AKT1: variants seen among roughly 807,000 people sequenced by gnomAD.
The protein encoded by AKT1 is RAC-alpha serine/threonine-protein kinase.
AKT1 carries 21 observed loss-of-function variants against 63.1 expected under a neutral mutation model. The ratio of observed to expected loss-of-function variants is 0.33; its 90% CI spans 0.24 to 0.48. AKT1 has a LOEUF of 0.48. Among genes scored for constraint, AKT1 ranks in the 20% least tolerant of loss-of-function variants. The pLI, the probability that AKT1 is intolerant of heterozygous loss-of-function variation, is 0.99. For missense variants in AKT1, 382 were observed against 666.0 expected, an observed-to-expected ratio of 0.57 and a Z score of 4.69; for synonymous variants, 257 against 253.1, an observed-to-expected ratio of 1.02 and a Z score of -0.15.
In AKT1 at chr14:104,769,534, G is replaced by T; in HGVS notation, c.*807C>A. The T allele has an allele frequency of 1.9e-6, 1 of 533,754 alleles. No homozygotes were observed. The highest frequency in any genetic ancestry group is 2.2e-5 in the Admixed American group (1 of 44,874). 33.1% of individuals were successfully genotyped at this position (533,754 alleles called of 1,614,324 possible). ...CACAGGGAGTCAGGGAGGGCCTGGG[G>T]CGACAGCGGAAAGGTTAAGCGTCGA... On this transcript the variant is annotated 3_prime_UTR_variant, in exon 15 of 15. Transcript: ENST00000649815.
rs1451952869 is a variant in AKT1 at position 104,776,776 on chromosome 14, G to A, written c.176-6C>T. On this transcript the variant is annotated splice_region_variant and splice_polypyrimidine_tract_variant and intron_variant, in intron 4 of 14. Transcript: ENST00000649815. Reference sequence around the variant, plus strand: ...CGTCTTCATCAGCTGGCACTCTGCGGGCAGGCAGAGCCTCTGTCTGCGTGC... The same window carrying A: ...CGTCTTCATCAGCTGGCACTCTGCGAGCAGGCAGAGCCTCTGTCTGCGTGC... The A allele has an allele frequency of 2.5e-6, 4 of 1,611,236 alleles. No individual in the cohort carries two copies. The highest frequency in any genetic ancestry group is 2.7e-5 in the African/African-American group (2 of 75,038).
intron 3 of AKT1, among the ~76,000 whole-genome samples, chr14:104,788,862 G>A (rs1893474349): frequency 6.6e-6 from 1 of 152,156 alleles, no homozygotes; most frequent in Non-Finnish European, 1.5e-5. Flanking sequence ...TGCCAGGCAT[G>A]GGCCCGGGGT....
In AKT1 at chr14:104,775,122, C is replaced by A. The variant is rs1200003171; in HGVS notation, c.521G>T (p.Arg174Leu). The change falls in exon 7 of 15, where the codon CGC becomes CTC. Residue 174 changes from arginine to leucine, a missense_variant. Arg to Leu is a moderately radical substitution (Grantham distance 102, BLOSUM62 -2). Around this residue, in one of 3 missense-constraint regions of AKT1, gnomAD observed 226 missense variants for 366.4 expected, o/e 0.62. Transcript: ENST00000649815. Reference sequence around the variant, plus strand: ...CTTGAGGATCTTCATGGCGTAGTAGCGGCCTGTGGCCTTCTCCTTCACCAG... The same window carrying A: ...CTTGAGGATCTTCATGGCGTAGTAGAGGCCTGTGGCCTTCTCCTTCACCAG... ...VILVKEKATG[R>L]YYAMKILKKE... 1 of 1,614,014 alleles carries A rather than the reference C, an allele frequency of 6.2e-7. No homozygotes were observed. The highest frequency in any genetic ancestry group is 1.3e-5 in the African/African-American group (1 of 74,932).
At chr14:104,772,646 C>T (rs1407988859) in intron 12 of AKT1, among the ~76,000 whole-genome samples, 194 bp from the exon 13 acceptor site, 1 of 152,200 alleles carries the variant, frequency 6.6e-6, no homozygotes. Context: ...GCAGGGGCTT[C>T]CTGAGTGGGT....
In AKT1 at chr14:104,795,032, G is replaced by A. The variant is rs1893816598; in HGVS notation, c.-258+452C>T. The A allele has an allele frequency of 6.6e-6, 1 of 152,242 alleles. No homozygotes were observed. The highest frequency in any genetic ancestry group is 6.5e-5 in the Admixed American group (1 of 15,288). The allele number at this position is 152,242 out of a possible 1,614,324, so 9.4% of individuals were successfully genotyped here. A position where few individuals can be genotyped will look rare whatever the true frequency, so the allele number is the denominator to read the frequency against. On this transcript the variant is annotated intron_variant, in intron 1 of 14. Coordinates refer to ENST00000649815, the MANE Select transcript of AKT1 (RefSeq NM_001382430.1). The surrounding 1 kb of genome is among the most constrained non-coding windows in gnomAD (Gnocchi z 5.1). ...GTACAACTTTTCGTCCGTGGGAAAC[G>A]AAGTCTCCTTCCGGGGCCCTCCCAC...
At chr14:104,776,314 G>A (rs1346612765) in intron 5 of AKT1, 1 of 226,064 alleles carries the variant, frequency 4.4e-6, no homozygotes, top group Non-Finnish European at 8.8e-6. Flanking sequence ...ACCCAGCTAA[G>A]TTTTATATTT....
Position 104,773,419 on chromosome 14 carries a change from C to G in AKT1, c.828+36G>C, listed in dbSNP as rs915517218. The G allele has an allele frequency of 5.0e-6, 8 of 1,613,850 alleles. No individual in the cohort carries two copies. The African/African-American group carries it at 9.3e-5, about 19-fold the overall frequency. ...GCCTCAGGTCAGTGCCGCCAGGCCCCCAGGGCCCTGCCCCCCTGCCTGCCC... is the reference window on the plus strand; with the variant it reads ...GCCTCAGGTCAGTGCCGCCAGGCCCGCAGGGCCCTGCCCCCCTGCCTGCCC... On this transcript the variant is annotated intron_variant, in intron 10 of 14. Coordinates refer to ENST00000649815, the MANE Select transcript of AKT1 (RefSeq NM_001382430.1).
At chr14:104,790,295 G>A (rs150724664) in intron 3 of AKT1, among the ~76,000 whole-genome samples, 1,976 of 152,274 alleles carry the variant, frequency 0.013, 31 homozygotes, top group African/African-American at 0.045. Context: ...AGTGGAACAG[G>A]GCGTCTGCAA....
At chr14:104,783,062 G>A (rs1379669750) in intron 3 of AKT1, among the ~76,000 whole-genome samples, 1 of 152,138 alleles carries the variant, frequency 6.6e-6, no homozygotes, top group Admixed American at 6.5e-5. Flanking sequence ...GCCACCCGGG[G>A]CCCAGCATCA....
chr14:104,792,690 G>A lies in AKT1; in HGVS notation c.-47C>T, dbSNP rs757627335. The stretch of plus-strand genomic sequence containing the variant: ...GCTCACGCGCTCCTCTCAGGCTGGC[G>A]CTCCCCGAGCCCAGCTGGCCTGGCC... On this transcript the variant is annotated 5_prime_UTR_variant, in exon 3 of 15. Coordinates refer to ENST00000649815, the MANE Select transcript of AKT1 (RefSeq NM_001382430.1). The A allele has an allele frequency of 2.3e-5, 36 of 1,599,918 alleles. No homozygotes were observed. In the East Asian group the frequency reaches 2.7e-4, roughly 12 times the overall value.
chr14:104,787,694 G>T (rs1432519978), intron 3 of AKT1, among the ~76,000 whole-genome samples: 1 of 152,236 alleles, frequency 6.6e-6, no homozygotes, highest in Non-Finnish European at 1.5e-5. Context: ...CCCACATTCT[G>T]TCCACTCTCC....
At chr14:104,780,670 G>A (rs1237559914) in intron 3 of AKT1, among the ~76,000 whole-genome samples, 2 of 152,198 alleles carry the variant, frequency 1.3e-5, no homozygotes, top group Admixed American at 6.5e-5. Flanking sequence ...GCCAGGTGGC[G>A]ACAGCAGGTG....
chr14:104,770,408 T>C lies in AKT1; in HGVS notation c.1376A>G (p.Glu459Gly), dbSNP rs1431676094. ...ITPPDQDDSM[E>G]CVDSERRPHF... The stretch of plus-strand genomic sequence containing the variant: ...GGGCCTGCGCTCGCTGTCCACACAC[T>C]CCATGCTGTCATCTGTGGGTGTAGA... Residue 459 changes from glutamate (E) to glycine (G), a missense_variant, in exon 15 of 15, where the codon GAG becomes GGG. Coordinates refer to ENST00000649815, the MANE Select transcript of AKT1 (RefSeq NM_001382430.1). The C allele has an allele frequency of 1.2e-6, 2 of 1,611,440 alleles. No individual in the cohort carries two copies. The highest frequency in any genetic ancestry group is 2.7e-5 in the African/African-American group (2 of 74,898).
In AKT1 at chr14:104,773,435, C is replaced by G; in HGVS notation, c.828+20G>C. On this transcript the variant is annotated intron_variant, in intron 10 of 14. Coordinates refer to ENST00000649815, the MANE Select transcript of AKT1 (RefSeq NM_001382430.1). ...GCCAGGCCCCCAGGGCCCTGCCCCCCTGCCTGCCCGCCAGCGCACCTTGAG... is the reference window on the plus strand; with the variant it reads ...GCCAGGCCCCCAGGGCCCTGCCCCCGTGCCTGCCCGCCAGCGCACCTTGAG... The G allele has an allele frequency of 6.2e-7, 1 of 1,613,924 alleles. No homozygotes were observed. Among genetic ancestry groups the G allele is most frequent in the Non-Finnish European group, 8.5e-7 (1 of 1,179,882 alleles).
rs139489304 is a variant in AKT1, at chr14:104,785,511, C to T, written c.47-5295G>A. Among the ~76,000 whole-genome samples the T allele has an allele frequency of 2.0e-3, 305 of 152,304 alleles. 1 individual carries two copies. Among genetic ancestry groups the T allele is most frequent in the African/African-American group, 6.9e-3 (288 of 41,568 alleles). Reference sequence around the variant, plus strand: ...CTGTTCCCGCCAGGCAGAGGACTGGCGCTCCACCTGCCTGGGCCTCGCCCA... The same window carrying T: ...CTGTTCCCGCCAGGCAGAGGACTGGTGCTCCACCTGCCTGGGCCTCGCCCA... On this transcript the variant is annotated intron_variant, in intron 3 of 14. Coordinates refer to ENST00000649815, the MANE Select transcript of AKT1 (RefSeq NM_001382430.1).
intron 3 of AKT1, among the ~76,000 whole-genome samples, chr14:104,788,002 T>C (rs1021224215): frequency 1.4e-4 from 22 of 152,202 alleles, no homozygotes; most frequent in Non-Finnish European, 1.6e-4. Context: ...CTGTGCCTCC[T>C]GCCCCTCTCC....
Position 104,773,437 on chromosome 14 carries a change from G to C in AKT1, c.828+18C>G, listed in dbSNP as rs376072144. The stretch of plus-strand genomic sequence containing the variant: ...CAGGCCCCCAGGGCCCTGCCCCCCT[G>C]CCTGCCCGCCAGCGCACCTTGAGGT... On this transcript the variant is annotated intron_variant, in intron 10 of 14. Transcript: ENST00000649815. The C allele has an allele frequency of 1.2e-6, 2 of 1,613,916 alleles. No individual in the cohort carries two copies. The highest frequency in any genetic ancestry group is 1.7e-6 in the Non-Finnish European group (2 of 1,179,856).
intron 8 of AKT1, 34 bp from the exon 9 acceptor site, chr14:104,774,014 C>G (rs777626580): frequency 1.2e-6 from 2 of 1,600,168 alleles, no homozygotes; most frequent in Admixed American, 1.7e-5. Context: ...TGCGGCCCCA[C>G]AGGCAGGACG....
intron 3 of AKT1, among the ~76,000 whole-genome samples, chr14:104,784,101 G>A (rs1893214361): frequency 6.6e-6 from 1 of 152,016 alleles, no homozygotes; most frequent in African/African-American, 2.4e-5. Flanking sequence ...GGAAGCAGCA[G>A]TTCCAGTCTC....
Sources: allele counts gnomAD v4.1 joint callset (sites outside exome capture counted in the v4.1 genomes callset), GRCh38; gene constraint gnomAD v4.1.1; regional missense constraint gnomAD v4.1.1; non-coding constraint Gnocchi (gnomAD v3.1); transcripts MANE v1.5; gene names NCBI Gene and HGNC (gene_info 2026-07-23, HGNC 2026-07-21).